The following GAPVD1 variants were observed in gnomAD, a reference collection of about 807,000 sequenced individuals.
The protein encoded by GAPVD1 is GTPase activating protein and VPS9 domains 1, also known as GTPase-activating protein and VPS9 domain-containing protein 1.
In GAPVD1, 35 loss-of-function variants were observed where a neutral mutation model predicts 155.5. The observed-to-expected ratio is 0.23, with a 90% CI of 0.17 to 0.30. The LOEUF is 0.30. GAPVD1 is among the 10% of genes least tolerant of loss of function. The pLI, the probability that GAPVD1 is intolerant of heterozygous loss-of-function variation, is 1.00. For missense variants in GAPVD1, 1,429 were observed against 1,775.7 expected (o/e 0.80, Z 3.51); for synonymous variants, 636 against 619.7 (o/e 1.03, Z -0.39).
At chr9:125,293,870 A>AAGT (rs1554757171) in intron 2 of GAPVD1, among the ~76,000 whole-genome samples, 1 of 21,026 alleles carries the variant, frequency 4.8e-5, no homozygotes, top group Non-Finnish European at 8.4e-5. Flanking sequence ...ATATATATAT[A>AAGT]TATATATATA....
rs1179853511 is a variant in GAPVD1, at chr9:125,307,503, A to G, written c.1207A>G (p.Ser403Gly). Residue 403 changes from serine (S) to glycine (G), a missense_variant, in exon 7 of 28, where the codon AGC becomes GGC. This residue lies in a region of GAPVD1 where 628 missense variants were observed against 733.4 expected (regional missense o/e 0.86). Transcript: ENST00000297933. ...TTCCGTCAATCTTCTGGAAGGATTG[A>G]GCAGAACTGTGGTTTATATAACCTA... is the stretch of plus-strand genomic sequence containing the variant. ...LSSVNLLEGLSRTVVYITYSQ... is the reference protein window; with the variant it reads ...LSSVNLLEGLGRTVVYITYSQ... The G allele has an allele frequency of 1.9e-6, 3 of 1,611,628 alleles. No homozygotes were observed. Among genetic ancestry groups the G allele is most frequent in the Non-Finnish European group, 1.7e-6 (2 of 1,177,754 alleles).
At chr9:125,349,826 C>A (rs577179688) in intron 21 of GAPVD1, among the ~76,000 whole-genome samples, 18 of 151,788 alleles carry the variant, frequency 1.2e-4, no homozygotes, top group African/African-American at 3.4e-4. Context: ...TAGCAAAATC[C>A]CATCTCTATA....
At chr9:125,297,325 C>T (rs1314354418) in intron 3 of GAPVD1, among the ~76,000 whole-genome samples, 1 of 152,148 alleles carries the variant, frequency 6.6e-6, no homozygotes, top group Non-Finnish European at 1.5e-5. Flanking sequence ...TCACAATAAG[C>T]ACGATTAACA....
chr9:125,362,459 C>T, intron 27 of GAPVD1, 147 bp from the exon 28 acceptor site: 1 of 626,226 alleles, frequency 1.6e-6, no homozygotes, highest in East Asian at 2.9e-5. Flanking sequence ...CTAGGGTTCA[C>T]AGATTACTTC....
intron 8 of GAPVD1, chr9:125,309,934 C>T (rs1277120602): frequency 2.1e-6 from 1 of 467,440 alleles, no homozygotes; most frequent in African/African-American, 2.0e-5. Flanking sequence ...CCCAGGACAA[C>T]AGTTAGCAGC....
intron 15 of GAPVD1, among the ~76,000 whole-genome samples, chr9:125,336,297 AAAAAAAAAC>A (rs1412662397): frequency 1.3e-5 from 2 of 151,126 alleles, no homozygotes; most frequent in African/African-American, 2.4e-5. Context: ...GACCAAAAAA[AAAAAAAAAC>A]AAAAAACAAA....
intron 9 of GAPVD1, 126 bp from the exon 10 acceptor site, chr9:125,321,307 C>T: frequency 1.6e-6 from 1 of 634,362 alleles, no homozygotes; most frequent in Non-Finnish European, 2.7e-6. Context: ...GACAGACCTT[C>T]TAAATAGGTT....
chr9:125,324,405 A>T (rs527247958), intron 11 of GAPVD1, among the ~76,000 whole-genome samples: 1 of 152,106 alleles, frequency 6.6e-6, no homozygotes, highest in Non-Finnish European at 1.5e-5. Flanking sequence ...AGCCTGACCA[A>T]CATGGAGAAA....
chr9:125,264,139 G>A (rs1463871557), intron 1 of GAPVD1: 4 of 696,426 alleles, frequency 5.7e-6, no homozygotes, highest in African/African-American at 3.5e-5. Context: ...CAGTGTAGAC[G>A]AAAGAGAATT....
intron 15 of GAPVD1, chr9:125,335,369 A>T (rs1589016873): frequency 8.3e-6 from 4 of 480,844 alleles, no homozygotes; most frequent in Admixed American, 3.9e-5. Context: ...TACCATTAAA[A>T]TTTTTTCTTT....
intron 11 of GAPVD1, among the ~76,000 whole-genome samples, 158 bp downstream of exon 11, chr9:125,324,081 T>C (rs1417970259): frequency 6.6e-6 from 1 of 152,112 alleles, no homozygotes; most frequent in Non-Finnish European, 1.5e-5. Flanking sequence ...TCAAAATCTA[T>C]TTAGTTGGTA....
Position 125,261,863 on chromosome 9 carries a change from AGCGGCG to A in GAPVD1, c.-290_-285del, listed in dbSNP as rs1832959566. ...ACAGGCGAGTGGCGAAGGTGGCGGCAGCGGCGGCGGGGGCAGTCACCGGCTAGGGCG... is the reference window on the plus strand; with the variant it reads ...ACAGGCGAGTGGCGAAGGTGGCGGCAGCGGGGGCAGTCACCGGCTAGGGCG... On this transcript the variant is annotated 5_prime_UTR_variant, in exon 1 of 28. Coordinates refer to ENST00000297933, the MANE Select transcript of GAPVD1 (RefSeq NM_001282680.3). 1 of 153,764 alleles carries A rather than the reference AGCGGCG, an allele frequency of 6.5e-6. No homozygotes were observed. Among genetic ancestry groups the A allele is most frequent in the Non-Finnish European group, 1.4e-5 (1 of 69,140 alleles). The allele number at this position is 153,764 out of a possible 1,614,324, so 9.5% of individuals were successfully genotyped here.
Position 125,332,449 on chromosome 9 carries a change from T to C in GAPVD1, c.2309-61T>C, listed in dbSNP as rs938143449. 1.2e-5 allele frequency: 17 copies of C among 1,360,308 alleles called. No homozygotes were observed. The African/African-American group carries it at 2.0e-4, about 16-fold the overall frequency. 84.3% of individuals were successfully genotyped at this position (1,360,308 alleles called of 1,614,324 possible). ...TGTTTCAGTTTCTCCAAATTTCATA[T>C]ACTTTTTGTGTGGATATTTTGTTCT... On this transcript the variant is annotated intron_variant, in intron 14 of 27. Coordinates refer to ENST00000297933, the MANE Select transcript of GAPVD1 (RefSeq NM_001282680.3).
intron 2 of GAPVD1, among the ~76,000 whole-genome samples, chr9:125,287,603 A>C (rs1470308973): frequency 6.6e-6 from 1 of 152,318 alleles, no homozygotes; most frequent in Non-Finnish European, 1.5e-5. Flanking sequence ...GGAGGGGTGG[A>C]TTGAAGCAAG....
At chr9:125,275,536 C>T (rs778213497) in intron 2 of GAPVD1, among the ~76,000 whole-genome samples, 14 of 152,090 alleles carry the variant, frequency 9.2e-5, no homozygotes, top group Non-Finnish European at 2.1e-4. Context: ...ATTGCTTGAG[C>T]CCAGGAGTTT....
chr9:125,341,103 A>G (rs1847791532), intron 17 of GAPVD1, 74 bp from the exon 18 acceptor site: 1 of 848,604 alleles, frequency 1.2e-6, no homozygotes, highest in Non-Finnish European at 2.1e-6. Flanking sequence ...ACAAAAACAA[A>G]CAAAAAGAAA....
chr9:125,334,612 A>C (rs1202428544), intron 15 of GAPVD1, among the ~76,000 whole-genome samples: 3 of 152,096 alleles, frequency 2.0e-5, no homozygotes, highest in African/African-American at 7.2e-5. Flanking sequence ...AAAATTAACA[A>C]AGTGTGGCCA....
intron 23 of GAPVD1, 27 bp from the exon 24 acceptor site, chr9:125,354,627 T>C: frequency 6.7e-7 from 1 of 1,492,960 alleles, no homozygotes; most frequent in Non-Finnish European, 9.3e-7. Flanking sequence ...ATATATCTGA[T>C]GTCATGCAAA....
At chr9:125,262,677 G>A (rs1833127533) in intron 1 of GAPVD1, among the ~76,000 whole-genome samples, 1 of 152,144 alleles carries the variant, frequency 6.6e-6, no homozygotes, top group African/African-American at 2.4e-5. Flanking sequence ...AATTTATGAC[G>A]AAAATCAGTT....
Sources: gnomAD v4.1 joint callset for allele counts (sites outside exome capture counted in the v4.1 genomes callset) on GRCh38, gnomAD v4.1.1 for gene constraint, gnomAD v4.1.1 regional missense constraint, MANE v1.5 for transcripts, NCBI Gene and HGNC (gene_info 2026-07-23, HGNC 2026-07-21) for gene names.